MRTFA: variants seen among roughly 807,000 people sequenced by gnomAD.
MRTFA encodes myocardin related transcription factor A.
MRTFA carries 20 observed loss-of-function variants against 83.5 expected under a neutral mutation model. The ratio of observed to expected loss-of-function variants is 0.24; its 90% CI spans 0.17 to 0.35. MRTFA has a LOEUF of 0.35. Ranked by LOEUF, MRTFA falls within the 10% of genes least tolerant of loss-of-function variation. MRTFA has a pLI of 1.00. For synonymous variants in MRTFA, 659 were observed against 541.2 expected, an observed-to-expected ratio of 1.22 and a Z score of -3.02; for missense variants, 1,200 against 1,224.7, an observed-to-expected ratio of 0.98 and a Z score of 0.30.
intron 4 of MRTFA, among the ~76,000 whole-genome samples, chr22:40,447,768 C>A (rs2053409852): frequency 6.6e-6 from 1 of 152,206 alleles, no homozygotes; most frequent in South Asian, 2.1e-4. Context: ...CCACATTTTA[C>A]AGTTGGGAAA....
At chr22:40,479,247 T>C (rs973298529) in intron 3 of MRTFA, among the ~76,000 whole-genome samples, 2 of 152,114 alleles carry the variant, frequency 1.3e-5, no homozygotes, top group African/African-American at 4.8e-5. Flanking sequence ...GCAGACAAGA[T>C]GGCGCCAGCT....
chr22:40,521,666 T>A (rs971732065), intron 3 of MRTFA: 10 of 151,786 alleles, frequency 6.6e-5, no homozygotes, highest in African/African-American at 2.4e-4. Context: ...GCCTGGCCAA[T>A]TTTTGTATTT....
intron 5 of MRTFA, among the ~76,000 whole-genome samples, chr22:40,432,592 G>T (rs2053089330): frequency 6.6e-6 from 1 of 151,120 alleles, no homozygotes; most frequent in Non-Finnish European, 1.5e-5. Flanking sequence ...ATCAAGACCA[G>T]CATAGGATAA....
chr22:40,590,680 G>GAA (rs56366993), intron 2 of MRTFA, among the ~76,000 whole-genome samples: 77 of 81,368 alleles, frequency 9.5e-4, no homozygotes, highest in South Asian at 2.9e-3. Context: ...CTCAAAAAAA[G>GAA]AAAAAAAAAA....
At chr22:40,622,705 C>T (rs1475595899) in intron 1 of MRTFA, among the ~76,000 whole-genome samples, 1 of 152,198 alleles carries the variant, frequency 6.6e-6, no homozygotes, top group Non-Finnish European at 1.5e-5. Flanking sequence ...CCTAAAGCCT[C>T]TGGAAGGAAT....
chr22:40,507,859 A>T (rs1358752044), intron 3 of MRTFA, among the ~76,000 whole-genome samples: 6 of 150,512 alleles, frequency 4.0e-5, no homozygotes, highest in Non-Finnish European at 8.9e-5. Flanking sequence ...GCTACCAGGA[A>T]GGCTGAGGAA....
intron 3 of MRTFA, among the ~76,000 whole-genome samples, chr22:40,524,931 C>T (rs1325321159): frequency 6.6e-6 from 1 of 152,174 alleles, no homozygotes; most frequent in African/African-American, 2.4e-5. Flanking sequence ...CCTCGGCCTC[C>T]CAAGTAGCTG....
intron 2 of MRTFA, among the ~76,000 whole-genome samples, chr22:40,560,853 C>G (rs917144291): frequency 6.6e-6 from 1 of 152,066 alleles, no homozygotes; most frequent in African/African-American, 2.4e-5. Context: ...GAACAACATA[C>G]GTACCTAGAA....
rs1207114648 is a variant in MRTFA at position 40,420,538 on chromosome 22, G to A, written c.1220C>T (p.Pro407Leu). ...ATTGGTAGTGGAGAGGCTGCGTACTGGGGGGGTCCCGCTGCTTCCCAGGGC... is the reference window on the plus strand; with the variant it reads ...ATTGGTAGTGGAGAGGCTGCGTACTAGGGGGGTCCCGCTGCTTCCCAGGGC... The change falls in exon 11 of 15, where the codon CCA (proline) becomes CTA (leucine). Residue 407 changes from proline to leucine, a missense_variant. Pro to Leu is a moderately conservative substitution (Grantham distance 98). Transcript: ENST00000355630. 1.1e-5 allele frequency: 17 copies of A among 1,613,274 alleles called. No individual in the cohort carries two copies. Among genetic ancestry groups the A allele is most frequent in the Admixed American group, 1.7e-5 (1 of 59,994 alleles).
At chr22:40,561,295 A>AT (rs539600051) in intron 2 of MRTFA, among the ~76,000 whole-genome samples, 9 of 151,826 alleles carry the variant, frequency 5.9e-5, no homozygotes, top group Non-Finnish European at 1.3e-4. Flanking sequence ...AGCTTACTAT[A>AT]TATGTACTAG....
chr22:40,466,913 G>A (rs2053820557), intron 3 of MRTFA, among the ~76,000 whole-genome samples: 1 of 151,606 alleles, frequency 6.6e-6, no homozygotes, highest in African/African-American at 2.4e-5. Flanking sequence ...TACAGTAAAG[G>A]CATATTCAGC....
intron 3 of MRTFA, among the ~76,000 whole-genome samples, chr22:40,477,028 C>T (rs371812102): frequency 1.3e-4 from 20 of 151,910 alleles, no homozygotes; most frequent in African/African-American, 4.6e-4. Flanking sequence ...AAATGCAATA[C>T]ACCTACAGAA....
At chr22:40,576,141 G>A (rs1303270386) in intron 2 of MRTFA, among the ~76,000 whole-genome samples, 2 of 149,328 alleles carry the variant, frequency 1.3e-5, no homozygotes, top group Non-Finnish European at 3.0e-5. Flanking sequence ...CAATTCTCCT[G>A]CCTCAGCCTC....
At chr22:40,635,371 G>C (rs142145782) in intron 1 of MRTFA, among the ~76,000 whole-genome samples, 87 of 152,248 alleles carry the variant, frequency 5.7e-4, no homozygotes, top group African/African-American at 1.9e-3. Context: ...GCTTCGGCTT[G>C]ATGTAGAAAG....
At chr22:40,481,338 C>T (rs776933215) in intron 3 of MRTFA, among the ~76,000 whole-genome samples, 6 of 152,040 alleles carry the variant, frequency 3.9e-5, no homozygotes, top group Non-Finnish European at 7.4e-5. Context: ...TCAGTTGGCT[C>T]GTTCATTCAT....
At chr22:40,460,258 A>C (rs1354062444) in intron 4 of MRTFA, among the ~76,000 whole-genome samples, 1 of 152,166 alleles carries the variant, frequency 6.6e-6, no homozygotes, top group Admixed American at 6.5e-5. Context: ...ATTACAAGAA[A>C]TGCTAAGTAA....
At chr22:40,557,322 G>A (rs942614853) in intron 2 of MRTFA, among the ~76,000 whole-genome samples, 1 of 152,142 alleles carries the variant, frequency 6.6e-6, no homozygotes, top group African/African-American at 2.4e-5. Flanking sequence ...AAATACTATA[G>A]CTAAACAGAT....
In MRTFA at chr22:40,424,263, G is replaced by T; in HGVS notation, c.720C>A (p.Pro240=). The change falls in exon 8 of 15, where the codon CCC becomes CCA. Residue 240 remains proline (P), a synonymous_variant. Transcript: ENST00000355630. The stretch of plus-strand genomic sequence containing the variant: ...GTGGTTCGCTGACTCGGGCCTCCAG[G>T]GGTGACGGCACAGAACCCTGGGACT... 1 of 1,610,870 alleles carries T rather than the reference G, an allele frequency of 6.2e-7. No individual in the cohort carries two copies. Among genetic ancestry groups the T allele is most frequent in the Non-Finnish European group, 8.5e-7 (1 of 1,178,928 alleles).
At chr22:40,487,655 A>G (rs184417970) in intron 3 of MRTFA, among the ~76,000 whole-genome samples, 6 of 152,364 alleles carry the variant, frequency 3.9e-5, no homozygotes, top group Admixed American at 3.9e-4. Context: ...CTCCTGGTCC[A>G]ACATACACTG....
Sources: allele counts gnomAD v4.1 joint callset (sites outside exome capture counted in the v4.1 genomes callset), GRCh38; gene constraint gnomAD v4.1.1; transcripts MANE v1.5; gene names NCBI Gene and HGNC (gene_info 2026-07-23, HGNC 2026-07-21).